Variants in KIF26B observed in about 807,000 individuals in gnomAD.
KIF26B encodes kinesin family member 26B.
A neutral mutation model predicts 151.2 loss-of-function variants in KIF26B; 63 were observed. The ratio of observed to expected loss-of-function variants is 0.42; its 90% CI spans 0.34 to 0.51. KIF26B has a LOEUF of 0.51. KIF26B is among the 20% of genes least tolerant of loss of function. The pLI, the probability that KIF26B is intolerant of heterozygous loss-of-function variation, is 0.07. For missense variants in KIF26B, 2,813 were observed against 2,913.6 expected, an observed-to-expected ratio of 0.97 and a Z score of 0.79; for synonymous variants, 1,357 against 1,262.1, an observed-to-expected ratio of 1.08 and a Z score of -1.59.
intron 2 of KIF26B, among the ~76,000 whole-genome samples, chr1:245,287,492 C>CTT (rs1217976453): frequency 0.028 from 3,771 of 135,100 alleles, 95 homozygotes; most frequent in Non-Finnish European, 0.041. Flanking sequence ...TCTCATCTCT[C>CTT]TCTCTCTTTT....
At chr1:245,701,123 C>T (rs1331203085) in intron 14 of KIF26B, among the ~76,000 whole-genome samples, 2 of 152,152 alleles carry the variant, frequency 1.3e-5, no homozygotes. Flanking sequence ...TTGCTTCCTT[C>T]TAGTCTTTGT....
chr1:245,384,053 G>T (rs961041987), intron 3 of KIF26B, among the ~76,000 whole-genome samples: 1 of 152,184 alleles, frequency 6.6e-6, no homozygotes. Context: ...ACCTCGGGCA[G>T]GTTTTCTACC....
chr1:245,547,349 T>C (rs965040088), intron 5 of KIF26B, among the ~76,000 whole-genome samples: 2 of 151,786 alleles, frequency 1.3e-5, no homozygotes, highest in Non-Finnish European at 2.9e-5. Flanking sequence ...CTTTGGGAGA[T>C]TGAGGCGGGT....
rs1558147976 is a variant in KIF26B at position 245,390,943 on chromosome 1, A to AAAAAAAACAAAACAAAAC, written c.999+23583_999+23584insCAAAACAAAACAAAAAAA. 8.8e-4 allele frequency among the ~76,000 whole-genome samples: 104 copies of AAAAAAAACAAAACAAAAC among 118,436 alleles called. 7 individuals are homozygous for AAAAAAAACAAAACAAAAC. Among genetic ancestry groups the AAAAAAAACAAAACAAAAC allele is most frequent in the African/African-American group, 3.2e-3 (78 of 24,430 alleles). The allele number at this position is 118,436 out of a possible 152,430, so 77.7% of individuals were successfully genotyped here. ...TCTCAAAAAAAAAAAAAAAAAAAAA[A>AAAAAAAACAAAACAAAAC]AAAAAAAAACCACCATAAAATTTTG... On this transcript the variant is annotated intron_variant, in intron 3 of 14. Transcript: ENST00000407071.
At chr1:245,174,764 A>G (rs1668775000) in intron 2 of KIF26B, among the ~76,000 whole-genome samples, 2 of 152,102 alleles carry the variant, frequency 1.3e-5, no homozygotes, top group Admixed American at 6.5e-5. Flanking sequence ...CTTAGGACAG[A>G]GCTGACGTCT....
intron 2 of KIF26B, among the ~76,000 whole-genome samples, chr1:245,295,826 G>A (rs1415251792): frequency 6.6e-6 from 1 of 152,110 alleles, no homozygotes; most frequent in African/African-American, 2.4e-5. Context: ...AAACTCTTTG[G>A]GCTGCATTCT....
chr1:245,315,109 G>A lies in KIF26B; in HGVS notation c.466-51725G>A, dbSNP rs561393415. ...GCAGGAGAATTGCTTGAACCCAGGA[G>A]GTGGAGGTTGCGGTGAGCCGAGATT... On this transcript the variant is annotated intron_variant, in intron 2 of 14. Coordinates refer to ENST00000407071, the MANE Select transcript of KIF26B (RefSeq NM_018012.4). Among the ~76,000 whole-genome samples the A allele has an allele frequency of 2.1e-4, 32 of 152,294 alleles. No homozygotes were observed. In the East Asian group the frequency reaches 3.5e-3, roughly 17 times the overall value.
At chr1:245,461,381 A>G (rs1409895711) in intron 4 of KIF26B, among the ~76,000 whole-genome samples, 1 of 151,580 alleles carries the variant, frequency 6.6e-6, no homozygotes, top group Non-Finnish European at 1.5e-5. Context: ...TCCCAGGCCC[A>G]AGCAATGCCC....
intron 2 of KIF26B, among the ~76,000 whole-genome samples, chr1:245,192,640 G>T (rs1669129083): frequency 2.0e-5 from 3 of 152,174 alleles, no homozygotes; most frequent in Admixed American, 6.5e-5. Context: ...GAGGAAAGAG[G>T]TATGTTTATT....
intron 10 of KIF26B, among the ~76,000 whole-genome samples, chr1:245,653,611 T>C (rs1050036197): frequency 6.6e-6 from 1 of 152,164 alleles, no homozygotes; most frequent in Non-Finnish European, 1.5e-5. Context: ...ACACAGCTAA[T>C]AGGCAACAGG....
chr1:245,665,368 G>C (rs976653239), intron 10 of KIF26B, among the ~76,000 whole-genome samples: 1 of 152,192 alleles, frequency 6.6e-6, no homozygotes, highest in Non-Finnish European at 1.5e-5. Context: ...ATTGACTCAT[G>C]AAGTATGTTT....
At chr1:245,442,319 G>A (rs527254517) in intron 4 of KIF26B, among the ~76,000 whole-genome samples, 3 of 152,188 alleles carry the variant, frequency 2.0e-5, no homozygotes, top group South Asian at 2.1e-4. Flanking sequence ...TTCTTATACC[G>A]GGTGTTCAGG....
At chr1:245,319,852 G>C (rs757413891) in intron 2 of KIF26B, among the ~76,000 whole-genome samples, 1 of 152,132 alleles carries the variant, frequency 6.6e-6, no homozygotes, top group Non-Finnish European at 1.5e-5. Flanking sequence ...AGCATTTTGA[G>C]GATACGATTT....
intron 4 of KIF26B, among the ~76,000 whole-genome samples, chr1:245,422,818 G>A (rs1420930297): frequency 1.3e-5 from 2 of 152,162 alleles, no homozygotes; most frequent in Non-Finnish European, 2.9e-5. Flanking sequence ...GCTGTCCTGG[G>A]CTGGGCATGG....
intron 3 of KIF26B, among the ~76,000 whole-genome samples, chr1:245,400,023 C>T (rs990710894): frequency 3.9e-5 from 6 of 152,000 alleles, no homozygotes; most frequent in African/African-American, 9.7e-5. Context: ...CTAGTATCTA[C>T]GCTAAGAAAA....
chr1:245,309,195 C>T (rs1284373091), intron 2 of KIF26B, among the ~76,000 whole-genome samples: 2 of 152,084 alleles, frequency 1.3e-5, no homozygotes, highest in African/African-American at 4.8e-5. Context: ...ATTATTAGTG[C>T]CAATAATGCT....
At position 245,698,350 on chromosome 1, in the gene KIF26B, GCTCCCCACCAAGC is replaced by G. The variant is rs1336794647; in HGVS notation, c.6027+45_6027+57del. 6.4e-7 allele frequency: 1 copy of G among 1,559,008 alleles called. No homozygotes were observed. The highest frequency in any genetic ancestry group is 8.8e-7 in the Non-Finnish European group (1 of 1,140,476). On this transcript the variant is annotated intron_variant, in intron 13 of 14. Coordinates refer to ENST00000407071, the MANE Select transcript of KIF26B (RefSeq NM_018012.4). This position sits in a 1 kb window ranked among gnomAD's most constrained non-coding sequence, Gnocchi z 4.0. ...CCCACCCCCTGCCTACGTGGTGGCAGCTCCCCACCAAGCCTGAGCAGGTGCTAGGCAGGGCCCT... is the reference window on the plus strand; with the variant it reads ...CCCACCCCCTGCCTACGTGGTGGCAGCTGAGCAGGTGCTAGGCAGGGCCCT...
chr1:245,533,792 CA>C (rs143809491), intron 4 of KIF26B, among the ~76,000 whole-genome samples: 8,143 of 140,520 alleles, frequency 0.058, 348 homozygotes, highest in African/African-American at 0.13. Context: ...TATACAATTA[CA>C]AAAAAAAAAA....
At chr1:245,283,698 T>TG (rs960846701) in intron 2 of KIF26B, among the ~76,000 whole-genome samples, 68 of 151,732 alleles carry the variant, frequency 4.5e-4, no homozygotes, top group African/African-American at 1.6e-3. Context: ...GAATTTTTTT[T>TG]TTTTTTTGAG....
Sources: allele counts gnomAD v4.1 joint callset (sites outside exome capture counted in the v4.1 genomes callset), GRCh38; gene constraint gnomAD v4.1.1; non-coding constraint Gnocchi (gnomAD v3.1); transcripts MANE v1.5; gene names NCBI Gene and HGNC (gene_info 2026-07-23, HGNC 2026-07-21).